The following PLXNA2 variants were observed in gnomAD, a reference collection of about 807,000 sequenced individuals.
The protein encoded by PLXNA2 is plexin A2, also known as plexin-A2.
In PLXNA2, 91 loss-of-function variants were observed where a neutral mutation model predicts 193.5. The ratio of observed to expected loss-of-function variants is 0.47; its 90% CI spans 0.40 to 0.56. The LOEUF is 0.56. Ranked by LOEUF, PLXNA2 falls within the 20% of genes least tolerant of loss-of-function variation. The pLI is 0.00. For missense variants in PLXNA2, 1,995 were observed against 2,503.2 expected (o/e 0.80, Z 4.33); for synonymous variants, 997 against 1,027.3 (o/e 0.97, Z 0.56).
At chr1:208,095,860 G>C (rs182808049) in intron 8 of PLXNA2, among the ~76,000 whole-genome samples, 169 bp downstream of exon 8, 1 of 152,256 alleles carries the variant, frequency 6.6e-6, no homozygotes, top group East Asian at 1.9e-4. Context: ...GTTTAATATG[G>C]TAGTATTTAT....
At chr1:208,206,929 G>A (rs1482208762) in intron 3 of PLXNA2, among the ~76,000 whole-genome samples, 5 of 151,832 alleles carry the variant, frequency 3.3e-5, no homozygotes, top group African/African-American at 4.8e-5. Context: ...ATGCCCTGCT[G>A]ATTTTTGTAT....
At chr1:208,243,362 C>T (rs974109389) in intron 1 of PLXNA2, among the ~76,000 whole-genome samples, 1 of 152,062 alleles carries the variant, frequency 6.6e-6, no homozygotes. Context: ...GCGCTGCTGC[C>T]GCCCTCAGCC....
In PLXNA2 at chr1:208,051,404, C is replaced by A; in HGVS notation, c.3013G>T (p.Val1005Leu). The change falls in exon 16 of 32, where the codon GTG becomes TTG. Residue 1005 changes from valine (V) to leucine (L), a missense_variant. By Grantham distance (32) the Val-to-Leu change is conservative. Transcript: ENST00000367033. The part of the protein sequence containing the change: ...EFYGRSMSEI[V>L]CVSPPSSNGL... ...TTGGATGATGGGGGTGAGACACACA[C>A]GATCTCACTCATTGACCTCCTGACA... The A allele has an allele frequency of 6.2e-7, 1 of 1,610,732 alleles. No individual in the cohort carries two copies. Among genetic ancestry groups the A allele is most frequent in the Non-Finnish European group, 8.5e-7 (1 of 1,179,112 alleles).
At chr1:208,126,588 T>C (rs1400874764) in intron 4 of PLXNA2, among the ~76,000 whole-genome samples, 2 of 152,320 alleles carry the variant, frequency 1.3e-5, no homozygotes, top group Admixed American at 6.5e-5. Flanking sequence ...TCTAGCATTA[T>C]TGACAGTTTT....
At chr1:208,235,471 C>A (rs1414966146) in intron 1 of PLXNA2, among the ~76,000 whole-genome samples, 1 of 152,172 alleles carries the variant, frequency 6.6e-6, no homozygotes, top group Non-Finnish European at 1.5e-5. Flanking sequence ...GAAACAAAGA[C>A]AAGTGAAGGT....
chr1:208,221,975 A>G (rs895165969), intron 1 of PLXNA2, among the ~76,000 whole-genome samples: 1 of 152,214 alleles, frequency 6.6e-6, no homozygotes, highest in African/African-American at 2.4e-5. Flanking sequence ...GATTATTACA[A>G]TGAAATCAGT....
At chr1:208,222,159 A>C (rs1618088) in intron 1 of PLXNA2, among the ~76,000 whole-genome samples, 6,212 of 152,304 alleles carry the variant, frequency 0.041, 412 homozygotes, top group African/African-American at 0.14. Context: ...ACTGGTAAAC[A>C]AACATGCATT....
At chr1:208,032,460 A>T (rs2102301904) in intron 28 of PLXNA2, among the ~76,000 whole-genome samples, 1 of 152,316 alleles carries the variant, frequency 6.6e-6, no homozygotes, top group Non-Finnish European at 1.5e-5. Flanking sequence ...AGGCAAAGCT[A>T]AAATGGAGAC....
In PLXNA2 at chr1:208,243,843, G is replaced by A. The variant is rs1008109173; in HGVS notation, c.-281C>T. ...ATCTGTATTCCTGAAGTCGCTCCTC[G>A]GTCTCCGCTCCGCGCGCCCCTCAGT... On this transcript the variant is annotated 5_prime_UTR_variant, in exon 1 of 32. Coordinates refer to ENST00000367033, the MANE Select transcript of PLXNA2 (RefSeq NM_025179.4). The A allele has an allele frequency of 1.3e-5, 2 of 152,314 alleles. No individual in the cohort carries two copies. Among genetic ancestry groups the A allele is most frequent in the African/African-American group, 4.8e-5 (2 of 41,466 alleles). The allele number at this position is 152,314 out of a possible 1,614,324, so 9.4% of individuals were successfully genotyped here. A position where few individuals can be genotyped will look rare whatever the true frequency, so the allele number is the denominator to read the frequency against.
intron 4 of PLXNA2, among the ~76,000 whole-genome samples, chr1:208,111,757 A>G (rs987950191): frequency 2.0e-5 from 3 of 152,196 alleles, no homozygotes; most frequent in African/African-American, 7.2e-5. Flanking sequence ...TTCTTTAACA[A>G]TCAATAGTCA....
chr1:208,152,246 A>G (rs1002189005), intron 3 of PLXNA2, among the ~76,000 whole-genome samples: 24 of 152,246 alleles, frequency 1.6e-4, no homozygotes, highest in African/African-American at 5.5e-4. Flanking sequence ...AGACTCCCAG[A>G]GATTTTAAAA....
intron 3 of PLXNA2, among the ~76,000 whole-genome samples, chr1:208,191,182 C>A (rs1471346659): frequency 6.6e-6 from 1 of 152,212 alleles, no homozygotes; most frequent in Admixed American, 6.5e-5. Flanking sequence ...TGGCCAGCAA[C>A]AAACATTGGT....
intron 1 of PLXNA2, among the ~76,000 whole-genome samples, chr1:208,239,786 C>A (rs1215169203): frequency 1.3e-5 from 2 of 152,232 alleles, no homozygotes; most frequent in Non-Finnish European, 2.9e-5. Flanking sequence ...CCCTGCCCTG[C>A]AAACAACTGG....
chr1:208,175,160 C>T (rs753020337), intron 3 of PLXNA2, among the ~76,000 whole-genome samples: 4 of 152,152 alleles, frequency 2.6e-5, no homozygotes, highest in Admixed American at 1.3e-4. Context: ...ATGAGTGAAC[C>T]GGAACACCTG....
intron 26 of PLXNA2, among the ~76,000 whole-genome samples, chr1:208,037,820 A>G (rs936636345): frequency 6.6e-6 from 1 of 151,904 alleles, no homozygotes; most frequent in Non-Finnish European, 1.5e-5. Flanking sequence ...ATACAACTGT[A>G]CGGAGCAGGG....
At chr1:208,128,559 T>C (rs1558206965) in intron 4 of PLXNA2, among the ~76,000 whole-genome samples, 1 of 152,180 alleles carries the variant, frequency 6.6e-6, no homozygotes, top group Non-Finnish European at 1.5e-5. Flanking sequence ...AAGATTTGAA[T>C]ACAATTCTAA....
chr1:208,162,130 C>A (rs929127104), intron 3 of PLXNA2, among the ~76,000 whole-genome samples: 2 of 152,200 alleles, frequency 1.3e-5, no homozygotes, highest in Non-Finnish European at 2.9e-5. Context: ...TGTAGAAGCA[C>A]AGCACCCTGA....
rs187034520 is a variant in PLXNA2, at chr1:208,104,553, A to T, written c.1507-1306T>A. On this transcript the variant is annotated intron_variant, in intron 4 of 31. Coordinates refer to ENST00000367033, the MANE Select transcript of PLXNA2 (RefSeq NM_025179.4). ...GACCAGTGGTGTAGGGGTGCCTTGA[A>T]GGGTAAGAGGGGGTCAGATGCAGAG... Among the ~76,000 whole-genome samples, 10 of 152,236 alleles carry T rather than the reference A, an allele frequency of 6.6e-5. No individual in the cohort carries two copies. The East Asian group carries it at 1.9e-3, about 29-fold the overall frequency.
intron 3 of PLXNA2, among the ~76,000 whole-genome samples, chr1:208,197,507 T>C (rs1490418650): frequency 6.6e-6 from 1 of 152,182 alleles, no homozygotes; most frequent in Non-Finnish European, 1.5e-5. Context: ...GTGTGTGAAA[T>C]TAACGGGTTG....
Sources: allele counts gnomAD v4.1 joint callset (sites outside exome capture counted in the v4.1 genomes callset), GRCh38; gene constraint gnomAD v4.1.1; transcripts MANE v1.5; gene names NCBI Gene and HGNC (gene_info 2026-07-23, HGNC 2026-07-21).